Variants in ADARB2 observed in about 807,000 individuals in gnomAD.
ADARB2 encodes the protein adenosine deaminase RNA specific B2 (inactive), also known as inactive double-stranded RNA-specific editase B2.
A neutral mutation model predicts 62.2 loss-of-function variants in ADARB2; 25 were observed. That is an observed-to-expected ratio of 0.40 (90% confidence interval 0.29 to 0.56). The LOEUF is 0.56. Ranked by LOEUF, ADARB2 falls within the 20% of genes least tolerant of loss-of-function variation. The pLI is 0.43. For synonymous variants in ADARB2, 572 were observed against 500.8 expected (o/e 1.14, Z -1.90); for missense variants, 1,071 against 1,077.4 (o/e 0.99, Z 0.08).
intron 1 of ADARB2, among the ~76,000 whole-genome samples, chr10:1,578,350 A>C (rs916018390): frequency 1.3e-5 from 2 of 152,236 alleles, no homozygotes; most frequent in African/African-American, 4.8e-5. Context: ...TAATGAGTTC[A>C]TGTTAATTGT....
chr10:1,709,220 GT>G (rs1386952645), intron 1 of ADARB2, among the ~76,000 whole-genome samples: 1 of 152,182 alleles, frequency 6.6e-6, no homozygotes, highest in Non-Finnish European at 1.5e-5. Flanking sequence ...TAAGGGGATG[GT>G]TTAGACTTTC....
At chr10:1,630,642 TC>T (rs1193004381) in intron 1 of ADARB2, among the ~76,000 whole-genome samples, 1 of 152,218 alleles carries the variant, frequency 6.6e-6, no homozygotes, top group Non-Finnish European at 1.5e-5. Flanking sequence ...AGTGCATTTT[TC>T]CACATGGTGG....
chr10:1,425,838 G>A (rs1415775833), intron 1 of ADARB2, among the ~76,000 whole-genome samples: 3 of 152,228 alleles, frequency 2.0e-5, no homozygotes, highest in Non-Finnish European at 4.4e-5. Context: ...AAGCATGCAT[G>A]CTGGAATAGA....
chr10:1,647,788 G>C (rs1047586052), intron 1 of ADARB2, among the ~76,000 whole-genome samples: 5 of 144,300 alleles, frequency 3.5e-5, no homozygotes, highest in Non-Finnish European at 3.1e-5. Flanking sequence ...GTATATATGT[G>C]TATGCATGTG....
intron 7 of ADARB2, 161 bp downstream of exon 7, chr10:1,216,790 A>G: frequency 1.0e-6 from 1 of 978,302 alleles, no homozygotes. Flanking sequence ...GTGGGACTGA[A>G]CATGTGGAAT....
chr10:1,286,351 G>A (rs1831414452), intron 3 of ADARB2, among the ~76,000 whole-genome samples: 1 of 152,158 alleles, frequency 6.6e-6, no homozygotes, highest in Non-Finnish European at 1.5e-5. Flanking sequence ...TGTTTCTGTG[G>A]AAGAGGCAGT....
At chr10:1,684,366 T>C (rs1834575575) in intron 1 of ADARB2, among the ~76,000 whole-genome samples, 1 of 152,206 alleles carries the variant, frequency 6.6e-6, no homozygotes, top group Non-Finnish European at 1.5e-5. Context: ...AAACATAGAA[T>C]GTGAAGTGTT....
intron 4 of ADARB2, among the ~76,000 whole-genome samples, chr10:1,249,725 CACA>C (rs1164865047): frequency 4.6e-5 from 7 of 151,864 alleles, no homozygotes; most frequent in Admixed American, 3.3e-4. Context: ...CATTGACGAG[CACA>C]ACAAGAGAAA....
intron 4 of ADARB2, among the ~76,000 whole-genome samples, chr10:1,242,844 CAAAGG>C (rs1372080486): frequency 6.6e-6 from 1 of 152,172 alleles, no homozygotes; most frequent in Non-Finnish European, 1.5e-5. Context: ...TAACCATAGT[CAAAGG>C]AACCCCATCC....
intron 1 of ADARB2, among the ~76,000 whole-genome samples, chr10:1,389,199 TGAG>T (rs1832548570): frequency 6.6e-6 from 1 of 152,148 alleles, no homozygotes; most frequent in South Asian, 2.1e-4. Flanking sequence ...AGAAGAAAAT[TGAG>T]GAGATTACTT....
chr10:1,689,569 C>G (rs939184334), intron 1 of ADARB2, among the ~76,000 whole-genome samples: 1 of 152,206 alleles, frequency 6.6e-6, no homozygotes, highest in Non-Finnish European at 1.5e-5. Flanking sequence ...CTCAACAACA[C>G]TTCCTAGAGA....
At chr10:1,505,088 C>A (rs534219332) in intron 1 of ADARB2, among the ~76,000 whole-genome samples, 2 of 150,196 alleles carry the variant, frequency 1.3e-5, no homozygotes, top group East Asian at 4.2e-4. Flanking sequence ...GCACACAGGA[C>A]ACACACACAC....
At chr10:1,291,539 C>G (rs939329964) in intron 3 of ADARB2, 4 of 152,262 alleles carry the variant, frequency 2.6e-5, no homozygotes, top group African/African-American at 9.6e-5. Context: ...GTTCCCTGCA[C>G]AATCCTGCAA....
intron 3 of ADARB2, among the ~76,000 whole-genome samples, chr10:1,338,397 T>TTCCC (rs557370636): frequency 0.012 from 1,874 of 152,348 alleles, 28 homozygotes; most frequent in South Asian, 0.059. Flanking sequence ...GAAACCATTT[T>TTCCC]TCCCCATTTC....
chr10:1,570,827 C>G (rs1832924647), intron 1 of ADARB2, among the ~76,000 whole-genome samples: 1 of 152,122 alleles, frequency 6.6e-6, no homozygotes, highest in Non-Finnish European at 1.5e-5. Flanking sequence ...ACAGAGAGAA[C>G]ACCGCATGCT....
At chr10:1,389,000 T>TA (rs1452969701) in intron 1 of ADARB2, among the ~76,000 whole-genome samples, 1 of 152,222 alleles carries the variant, frequency 6.6e-6, no homozygotes, top group East Asian at 1.9e-4. Context: ...ATCAAGTCTG[T>TA]ATGATCAACT....
In ADARB2 at chr10:1,711,612, G is replaced by T. The variant is rs556893678; in HGVS notation, c.100+25439C>A. Among the ~76,000 whole-genome samples, 9 of 152,348 alleles carry T rather than the reference G, an allele frequency of 5.9e-5. No homozygotes were observed. In the South Asian group the frequency reaches 1.9e-3, roughly 32 times the overall value. On this transcript the variant is annotated intron_variant, in intron 1 of 9. Transcript: ENST00000381312. The stretch of plus-strand genomic sequence containing the variant: ...AGACCTTTAGAGCTGATTTCCAGCT[G>T]TGTGATCTGAGGCAATTCCTCATTT...
chr10:1,481,811 T>C (rs995742166), intron 1 of ADARB2, among the ~76,000 whole-genome samples: 19 of 149,566 alleles, frequency 1.3e-4, no homozygotes, highest in African/African-American at 3.5e-4. Flanking sequence ...GAGCTGAGAT[T>C]GTGCCACTGC....
intron 1 of ADARB2, among the ~76,000 whole-genome samples, chr10:1,403,227 G>A (rs1832680243): frequency 6.6e-6 from 1 of 152,228 alleles, no homozygotes; most frequent in South Asian, 2.1e-4. Context: ...CCAAGATTGT[G>A]CCTTCTAACA....
Sources: allele counts gnomAD v4.1 joint callset (sites outside exome capture counted in the v4.1 genomes callset), GRCh38; gene constraint gnomAD v4.1.1; transcripts MANE v1.5; gene names NCBI Gene and HGNC (gene_info 2026-07-23, HGNC 2026-07-21).